SASH1: variants seen among roughly 807,000 people sequenced by gnomAD.
SASH1 encodes SAM and SH3 domain-containing protein 1.
A neutral mutation model predicts 125.2 loss-of-function variants in SASH1; 44 were observed. The observed-to-expected ratio is 0.35, with a 90% CI of 0.28 to 0.45. SASH1 has a LOEUF of 0.45. Among genes scored for constraint, SASH1 ranks in the 20% least tolerant of loss-of-function variants. The probability of loss-of-function intolerance (pLI) is 1.00; values close to 1 mark genes in which losing one functional copy is unlikely to be tolerated. For missense variants in SASH1, 1,426 were observed against 1,614.5 expected (o/e 0.88, Z 2.00); for synonymous variants, 639 against 649.1 (o/e 0.98, Z 0.24).
At chr6:148,366,678 A>C (rs1583031117) in intron 1 of SASH1, among the ~76,000 whole-genome samples, 1 of 151,776 alleles carries the variant, frequency 6.6e-6, no homozygotes, top group Admixed American at 6.6e-5. Flanking sequence ...GCTCACTGCA[A>C]CCTCTGCCTC....
chr6:148,541,103 C>T (rs1472668790), intron 17 of SASH1, among the ~76,000 whole-genome samples: 5 of 151,868 alleles, frequency 3.3e-5, no homozygotes, highest in East Asian at 1.9e-4. Flanking sequence ...GTGGGCTAAA[C>T]GTTACCATGG....
At chr6:148,507,560 G>A (rs1432493109) in intron 8 of SASH1, among the ~76,000 whole-genome samples, 4 of 152,074 alleles carry the variant, frequency 2.6e-5, no homozygotes, top group Non-Finnish European at 5.9e-5. Context: ...TAGTAGAGAC[G>A]GGTTTTCACC....
At chr6:148,431,792 T>TA (rs1347978619) in intron 2 of SASH1, among the ~76,000 whole-genome samples, 1 of 151,856 alleles carries the variant, frequency 6.6e-6, no homozygotes, top group East Asian at 1.9e-4. Flanking sequence ...TGCAAATAGT[T>TA]AGAGTCTCTT....
chr6:148,354,280 T>G (rs1583009439), intron 1 of SASH1, among the ~76,000 whole-genome samples: 1 of 152,262 alleles, frequency 6.6e-6, no homozygotes, highest in African/African-American at 2.4e-5. Flanking sequence ...GTATATTTTC[T>G]GTTTAAATGG....
chr6:148,507,781 T>A (rs1779886081), intron 8 of SASH1, among the ~76,000 whole-genome samples: 1 of 152,122 alleles, frequency 6.6e-6, no homozygotes, highest in Non-Finnish European at 1.5e-5. Context: ...TCGTGTGATG[T>A]CCTATAAAGA....
rs1239253155 is a variant in SASH1, at chr6:148,358,780, G to A, written c.156+15557G>A. ...AGACGGAGTCTCCCTTCATCACCGAGGCTGGAGTGCAGTGGCGTGATCTCG... is the reference window on the plus strand; with the variant it reads ...AGACGGAGTCTCCCTTCATCACCGAAGCTGGAGTGCAGTGGCGTGATCTCG... On this transcript the variant is annotated intron_variant, in intron 1 of 19. Transcript: ENST00000367467. Among the ~76,000 whole-genome samples the A allele has an allele frequency of 3.7e-5, 5 of 136,066 alleles. No individual in the cohort carries two copies. The Admixed American group carries it at 4.1e-4, about 11-fold the overall frequency. 89.3% of individuals were successfully genotyped at this position (136,066 alleles called of 152,430 possible). A position where few individuals can be genotyped will look rare whatever the true frequency, so the allele number is the denominator to read the frequency against.
chr6:148,364,996 G>A (rs1782392590), intron 1 of SASH1, among the ~76,000 whole-genome samples: 2 of 152,048 alleles, frequency 1.3e-5, no homozygotes, highest in South Asian at 2.1e-4. Flanking sequence ...GGTGGTATGT[G>A]CCTGTAATCC....
intron 8 of SASH1, among the ~76,000 whole-genome samples, chr6:148,503,020 C>T (rs1217433208): frequency 1.3e-5 from 2 of 152,202 alleles, no homozygotes; most frequent in Non-Finnish European, 2.9e-5. Context: ...AGATGATAAC[C>T]TTTATAAACC....
At chr6:148,286,263 T>G (rs543964785) in intron 1 of SASH1, among the ~76,000 whole-genome samples, 2 of 151,528 alleles carry the variant, frequency 1.3e-5, no homozygotes, top group Non-Finnish European at 2.9e-5. Flanking sequence ...TAGCTGGGCG[T>G]GGTGGCGTAT....
chr6:148,435,039 A>C (rs1323994126), intron 2 of SASH1, among the ~76,000 whole-genome samples: 1 of 31,164 alleles, frequency 3.2e-5, no homozygotes, highest in Admixed American at 1.8e-4. Context: ...ACTTGTCTCT[A>C]TTGGAGGGGG....
chr6:148,413,752 C>T (rs1054611441), intron 2 of SASH1, among the ~76,000 whole-genome samples: 1 of 152,134 alleles, frequency 6.6e-6, no homozygotes, highest in Admixed American at 6.5e-5. Context: ...AACCACCCTA[C>T]CTTCCTTCCT....
intron 2 of SASH1, among the ~76,000 whole-genome samples, chr6:148,424,232 C>CT (rs755742706): frequency 1.2e-3 from 170 of 140,642 alleles, no homozygotes; most frequent in Middle Eastern, 3.7e-3. Flanking sequence ...TGTTCTTCTT[C>CT]TTTTTTTTTT....
intron 1 of SASH1, among the ~76,000 whole-genome samples, chr6:148,321,991 G>A (rs921638983): frequency 6.6e-6 from 1 of 152,026 alleles, no homozygotes; most frequent in African/African-American, 2.4e-5. Context: ...TATAAATGAT[G>A]GTGATAATAA....
chr6:148,546,137 C>T lies in SASH1; in HGVS notation c.3471C>T (p.His1157=), dbSNP rs1360233058. 1 of 1,614,058 alleles carries T rather than the reference C, an allele frequency of 6.2e-7. No individual in the cohort carries two copies. The highest frequency in any genetic ancestry group is 1.7e-5 in the Admixed American group (1 of 60,004). ...GGGTGAAGCAGCTTCGGAAGCAGCA[C>T]CGCATGGCGGTGAGCAGCCCACAGT... ...QIRVKQLRKQ[H]RMAIPSGGLT... The change falls in exon 19 of 20, where the codon CAC becomes CAT. Residue 1157 remains histidine, a synonymous_variant. Coordinates refer to ENST00000367467, the MANE Select transcript of SASH1 (RefSeq NM_015278.5).
the SASH1 span, among the ~76,000 whole-genome samples, chr6:148,255,938 G>A: frequency 4.6e-5 from 7 of 152,104 alleles, no homozygotes; most frequent in African/African-American, 1.7e-4. Context: ...CACCATGCTT[G>A]GCCAAAGCTT....
At chr6:148,219,855 G>A in the SASH1 span, among the ~76,000 whole-genome samples, 26 of 152,318 alleles carry the variant, frequency 1.7e-4, 1 homozygote, top group South Asian at 2.1e-4. Flanking sequence ...AGCACAGGTG[G>A]AACCTGAGGG....
At chr6:148,482,280 A>T (rs780903964) in intron 7 of SASH1, among the ~76,000 whole-genome samples, 2 of 152,218 alleles carry the variant, frequency 1.3e-5, no homozygotes, top group Non-Finnish European at 2.9e-5. Context: ...GTCTATATGA[A>T]ATTGAGAGAG....
At chr6:148,284,733 GCC>G (rs1457726222) in intron 1 of SASH1, among the ~76,000 whole-genome samples, 1 of 152,094 alleles carries the variant, frequency 6.6e-6, no homozygotes, top group Non-Finnish European at 1.5e-5. Flanking sequence ...AGCTTAATTT[GCC>G]CAATCATTCT....
At chr6:148,514,029 C>T in intron 8 of SASH1, 1 of 1,097,422 alleles carries the variant, frequency 9.1e-7, no homozygotes, top group Non-Finnish European at 1.1e-6. Context: ...CTGGAGTCCT[C>T]CTAAGAGAGG....
Sources: gnomAD v4.1 joint callset for allele counts (sites outside exome capture counted in the v4.1 genomes callset) on GRCh38, gnomAD v4.1.1 for gene constraint, MANE v1.5 for transcripts, NCBI Gene and HGNC (gene_info 2026-07-23, HGNC 2026-07-21) for gene names.